SCIMP: variants seen among roughly 807,000 people sequenced by gnomAD.
The protein encoded by SCIMP is SLP adaptor and CSK interacting membrane protein, also known as SLP adapter and CSK-interacting membrane protein.
In SCIMP, 18 loss-of-function variants were observed where a neutral mutation model predicts 22.0. The observed-to-expected ratio is 0.82, with a 90% confidence interval of 0.56 to 1.21. SCIMP has a LOEUF of 1.21. Ranked by LOEUF, SCIMP falls within the 50% of genes most tolerant of loss-of-function variation. SCIMP has a pLI of 0.00. For missense variants in SCIMP, 155 were observed against 171.2 expected (o/e 0.91, Z 0.53); for synonymous variants, 53 against 62.2 (o/e 0.85, Z 0.70).
intron 1 of SCIMP, among the ~76,000 whole-genome samples, chr17:5,224,886 G>A (rs1363902710): frequency 6.6e-6 from 1 of 152,130 alleles, no homozygotes; most frequent in East Asian, 1.9e-4. Context: ...TGGTCAGAAG[G>A]GTGAAGCTGA....
At chr17:5,220,509 C>T (rs1218209082) in intron 3 of SCIMP, among the ~76,000 whole-genome samples, 2 of 149,792 alleles carry the variant, frequency 1.3e-5, no homozygotes, top group Non-Finnish European at 3.0e-5. Context: ...GAGGCCAAGG[C>T]GGGTGGATCA....
At chr17:5,212,247 C>T (rs2074530881) in intron 4 of SCIMP, among the ~76,000 whole-genome samples, 1 of 152,196 alleles carries the variant, frequency 6.6e-6, no homozygotes, top group Admixed American at 6.5e-5. Context: ...GACCAGAGTT[C>T]ATGTTCACGT....
At chr17:5,216,919 A>T (rs764784609) in intron 3 of SCIMP, among the ~76,000 whole-genome samples, 3 of 152,188 alleles carry the variant, frequency 2.0e-5, no homozygotes, top group Non-Finnish European at 4.4e-5. Context: ...TTTAACTAAA[A>T]GATAAACTCT....
At chr17:5,213,311 A>G (rs1001130905) in intron 4 of SCIMP, 3 of 927,880 alleles carry the variant, frequency 3.2e-6, no homozygotes, top group Non-Finnish European at 3.8e-6. Flanking sequence ...AGGTGCAGTG[A>G]TGCTATCGTG....
At chr17:5,234,412 A>G (rs1024818776) in intron 1 of SCIMP, among the ~76,000 whole-genome samples, 1 of 151,486 alleles carries the variant, frequency 6.6e-6, no homozygotes, top group South Asian at 2.1e-4. Context: ...GTAACTCGTT[A>G]CAGTTGAGAC....
chr17:5,214,014 A>G (rs1327649710), intron 4 of SCIMP: 1 of 152,168 alleles, frequency 6.6e-6, no homozygotes, highest in Non-Finnish European at 1.5e-5. Flanking sequence ...GTAAGAAGAA[A>G]CACCAGAAAT....
chr17:5,234,234 G>A (rs1169550832), intron 1 of SCIMP, among the ~76,000 whole-genome samples: 1 of 152,096 alleles, frequency 6.6e-6, no homozygotes, highest in Non-Finnish European at 1.5e-5. Flanking sequence ...TCACGTCACT[G>A]CACTCCAGCC....
At chr17:5,218,592 G>A (rs964376612) in intron 3 of SCIMP, among the ~76,000 whole-genome samples, 12 of 152,064 alleles carry the variant, frequency 7.9e-5, no homozygotes, top group African/African-American at 2.7e-4. Flanking sequence ...TGCCTGCATC[G>A]GCCTCCCAAA....
At position 5,215,179 on chromosome 17, in the gene SCIMP, T is replaced by C. The variant is rs1456782113; in HGVS notation, c.210-181A>G. ...TTCCCATTTGTAATTGGCACCCTAA[T>C]GAAACCGTTTTCTGTAGCCCTGGAA... is the stretch of plus-strand genomic sequence containing the variant. On this transcript the variant is annotated intron_variant, in intron 3 of 4. Coordinates refer to ENST00000574081, the MANE Select transcript of SCIMP (RefSeq NM_207103.3). 9.9e-5 allele frequency: 54 copies of C among 543,512 alleles called. No homozygotes were observed. In the East Asian group the frequency reaches 1.6e-3, roughly 16 times the overall value. The allele number at this position is 543,512 out of a possible 1,614,324, so 33.7% of individuals were successfully genotyped here. A position where few individuals can be genotyped will look rare whatever the true frequency, so the allele number is the denominator to read the frequency against.
At chr17:5,221,372 C>T (rs1031675740) in intron 2 of SCIMP, 22 bp from the exon 3 acceptor site, 6 of 1,590,830 alleles carry the variant, frequency 3.8e-6, no homozygotes, top group Admixed American at 1.7e-5. Flanking sequence ...AAAGCATGTT[C>T]ATTGAAGAAG....
chr17:5,221,102 G>T (rs779256329), intron 3 of SCIMP, 185 bp downstream of exon 3: 3 of 688,962 alleles, frequency 4.4e-6, no homozygotes, highest in South Asian at 3.0e-5. Context: ...GGGAGGACTT[G>T]CCCTGCATCG....
intron 1 of SCIMP, 184 bp downstream of exon 1, chr17:5,234,551 G>C (rs2074729305): frequency 3.1e-6 from 2 of 639,900 alleles, no homozygotes; most frequent in East Asian, 5.5e-5. Context: ...GTTACCAGTA[G>C]AGCAGATCCT....
intron 3 of SCIMP, among the ~76,000 whole-genome samples, chr17:5,219,462 T>C (rs371584053): frequency 1.4e-4 from 21 of 151,818 alleles, no homozygotes; most frequent in African/African-American, 4.8e-4. Context: ...ACGCCATCTC[T>C]ACTAAAAATA....
At chr17:5,231,987 C>A (rs545390407) in intron 1 of SCIMP, among the ~76,000 whole-genome samples, 1 of 151,848 alleles carries the variant, frequency 6.6e-6, no homozygotes, top group East Asian at 1.9e-4. Flanking sequence ...ACCCGGGAGG[C>A]GGAGCTTGCA....
intron 3 of SCIMP, among the ~76,000 whole-genome samples, chr17:5,220,132 A>G (rs1404607708): frequency 6.6e-6 from 1 of 152,176 alleles, no homozygotes; most frequent in Non-Finnish European, 1.5e-5. Flanking sequence ...TAAAGCCCCA[A>G]ATAGATCACA....
At chr17:5,225,075 G>T (rs1231577014) in intron 1 of SCIMP, among the ~76,000 whole-genome samples, 1 of 152,184 alleles carries the variant, frequency 6.6e-6, no homozygotes, top group East Asian at 1.9e-4. Flanking sequence ...AATGACCAAG[G>T]CGTTTCTAGG....
chr17:5,210,125 C>G lies in SCIMP; in HGVS notation c.*676G>C, dbSNP rs1388081838. The stretch of plus-strand genomic sequence containing the variant: ...CCATTGTTACAGTACAACTTGCAAG[C>G]ACGGGGAGAAAACCTAGGTGAAAAC... On this transcript the variant is annotated 3_prime_UTR_variant, in exon 5 of 5. Coordinates refer to ENST00000574081, the MANE Select transcript of SCIMP (RefSeq NM_207103.3). The G allele has an allele frequency of 6.6e-6, 1 of 152,114 alleles. No homozygotes were observed. The highest frequency in any genetic ancestry group is 1.5e-5 in the Non-Finnish European group (1 of 68,056). The allele number at this position is 152,114 out of a possible 1,614,324, so 9.4% of individuals were successfully genotyped here. A position where few individuals can be genotyped will look rare whatever the true frequency, so the allele number is the denominator to read the frequency against.
chr17:5,223,422 A>G lies in SCIMP; in HGVS notation c.56T>C (p.Phe19Ser). 6.2e-7 allele frequency: 1 copy of G among 1,613,886 alleles called. No homozygotes were observed. Among genetic ancestry groups the G allele is most frequent in the Non-Finnish European group, 8.5e-7 (1 of 1,179,808 alleles). Residue 19 changes from phenylalanine to serine, a missense_variant, in exon 2 of 5, where the codon TTC becomes TCC. Transcript: ENST00000574081. ...STAMSWWRNN[F>S]WIILAVAIIV... Reference sequence around the variant, plus strand: ...GATGGCCACAGCTAAGATGATCCAGAAATTATTCCTCCACCAGCTCATTGC... The same window carrying G: ...GATGGCCACAGCTAAGATGATCCAGGAATTATTCCTCCACCAGCTCATTGC...
chr17:5,231,825 C>T (rs188379622), intron 1 of SCIMP, among the ~76,000 whole-genome samples: 123 of 152,268 alleles, frequency 8.1e-4, no homozygotes, highest in Admixed American at 2.1e-3. Flanking sequence ...GAGGCTGAGG[C>T]GGGCGGATCA....
Sources: allele counts gnomAD v4.1 joint callset (sites outside exome capture counted in the v4.1 genomes callset), GRCh38; gene constraint gnomAD v4.1.1; transcripts MANE v1.5; gene names NCBI Gene and HGNC (gene_info 2026-07-23, HGNC 2026-07-21).